Variants in MN1 observed in about 807,000 individuals in gnomAD.
The protein encoded by MN1 is transcriptional activator MN1.
MN1 carries 19 observed loss-of-function variants against 86.9 expected under a neutral mutation model. That is an observed-to-expected ratio of 0.22 (90% confidence interval 0.15 to 0.32). MN1 has a LOEUF of 0.32. Ranked by LOEUF, MN1 falls within the 10% of genes least tolerant of loss-of-function variation. The pLI, the probability that MN1 is intolerant of heterozygous loss-of-function variation, is 1.00. For synonymous variants in MN1, 928 were observed against 849.6 expected (o/e 1.09, Z -1.60); for missense variants, 1,841 against 1,862.0 (o/e 0.99, Z 0.21).
In MN1 at chr22:27,801,677, G is replaced by A. The variant is rs879449202; in HGVS notation, c.-1134C>T. 1.1e-4 allele frequency among the ~76,000 whole-genome samples: 16 copies of A among 152,166 alleles called. No individual in the cohort carries two copies. Among genetic ancestry groups the A allele is most frequent in the African/African-American group, 9.6e-5 (4 of 41,462 alleles). On this transcript the variant is annotated 5_prime_UTR_variant, in exon 1 of 2. Transcript: ENST00000302326. ...GCACCCCTCTCCCGACTAGCGGGGG[G>A]GCTCTGCGTGGGGCGTTCCGAGGGT... is the stretch of plus-strand genomic sequence containing the variant.
rs558159135 is a variant in MN1 at position 27,798,673 on chromosome 22, T to TGCG, written c.1868_1870dup (p.Pro623dup). On this transcript the variant is annotated inframe_insertion, in exon 1 of 2. Coordinates refer to ENST00000302326, the MANE Select transcript of MN1 (RefSeq NM_002430.3). ...GAACCACGCGCTCTCTTGCGCCAAG[T>TGCG]GCGGCGCCTGCTGCTCGAAGGTGCC... The TGCG allele has an allele frequency of 1.3e-3, 2,072 of 1,543,754 alleles. 27 individuals carry two copies. In the African/African-American group the frequency reaches 0.026, roughly 19 times the overall value.
chr22:27,759,098 G>T (rs889572027), intron 1 of MN1, among the ~76,000 whole-genome samples: 2 of 152,146 alleles, frequency 1.3e-5, no homozygotes, highest in Admixed American at 1.3e-4. Context: ...AAAGTGTTGG[G>T]ATTATAGGCA....
At chr22:27,788,871 G>A (rs891033127) in intron 1 of MN1, among the ~76,000 whole-genome samples, 4 of 152,088 alleles carry the variant, frequency 2.6e-5, no homozygotes, top group Admixed American at 6.5e-5. Flanking sequence ...CACGCAAAAC[G>A]AGTGGCATCA....
At chr22:27,757,478 G>A (rs939165563) in intron 1 of MN1, among the ~76,000 whole-genome samples, 2 of 152,238 alleles carry the variant, frequency 1.3e-5, no homozygotes, top group Non-Finnish European at 2.9e-5. Flanking sequence ...GGCAGAGCTT[G>A]AGAATGAGAA....
rs201186821 is a variant in MN1 at position 27,799,727 on chromosome 22, C to T, written c.817G>A (p.Ala273Thr). 1 of 1,575,800 alleles carries T rather than the reference C, an allele frequency of 6.3e-7. No homozygotes were observed. Among genetic ancestry groups the T allele is most frequent in the Non-Finnish European group, 8.6e-7 (1 of 1,161,334 alleles). The change falls in exon 1 of 2, where the codon GCC becomes ACC. Residue 273 changes from alanine to threonine, a missense_variant. Ala to Thr is a moderately conservative substitution (Grantham distance 58). Coordinates refer to ENST00000302326, the MANE Select transcript of MN1 (RefSeq NM_002430.3). ...CCCGCAGCTCTGGGCATGGCCGAGGCGCCCGGGAAAGCGCCCCCAGGAACC... is the reference window on the plus strand; with the variant it reads ...CCCGCAGCTCTGGGCATGGCCGAGGTGCCCGGGAAAGCGCCCCCAGGAACC... ...RQVPGGAFPGASAMPRAAGMV... is the reference protein window; with the variant it reads ...RQVPGGAFPGTSAMPRAAGMV...
intron 1 of MN1, among the ~76,000 whole-genome samples, chr22:27,777,714 C>CAG (rs1396872531): frequency 2.0e-5 from 3 of 151,272 alleles, no homozygotes; most frequent in Middle Eastern, 3.4e-3. Flanking sequence ...CACACACACA[C>CAG]ACACACAAAA....
At chr22:27,787,967 G>A (rs999965146) in intron 1 of MN1, among the ~76,000 whole-genome samples, 2 of 152,178 alleles carry the variant, frequency 1.3e-5, no homozygotes, top group Non-Finnish European at 2.9e-5. Flanking sequence ...CATGTGCAGC[G>A]ATGTGGGAGC....
chr22:27,800,582 A>T lies in MN1; in HGVS notation c.-39T>A. On this transcript the variant is annotated 5_prime_UTR_variant, in exon 1 of 2. Transcript: ENST00000302326. ...CAGAGGGGGATCAATAGGGCATGAC[A>T]GCCGGCTCTCCGCGGCGCGCCTCCG... 1 of 1,612,332 alleles carries T rather than the reference A, an allele frequency of 6.2e-7. No individual in the cohort carries two copies. The highest frequency in any genetic ancestry group is 8.5e-7 in the Non-Finnish European group (1 of 1,179,792).
chr22:27,766,601 A>C (rs1390290052), intron 1 of MN1, among the ~76,000 whole-genome samples: 1 of 152,164 alleles, frequency 6.6e-6, no homozygotes, highest in East Asian at 1.9e-4. Context: ...TCTGGTATAG[A>C]GAAGCAGGAT....
At chr22:27,784,614 A>G (rs1933097634) in intron 1 of MN1, among the ~76,000 whole-genome samples, 1 of 152,204 alleles carries the variant, frequency 6.6e-6, no homozygotes, top group Non-Finnish European at 1.5e-5. Context: ...TTTAGAAAGA[A>G]TGTGCTATTA....
Position 27,748,867 on chromosome 22 carries a change from T to C in MN1, c.*2048A>G, listed in dbSNP as rs1932727360. On this transcript the variant is annotated 3_prime_UTR_variant, in exon 2 of 2. Coordinates refer to ENST00000302326, the MANE Select transcript of MN1 (RefSeq NM_002430.3). ...GCCTTAAGCAATTAAGGAGAAATCA[T>C]TCCTGTTTCAAAAGTAAAATGATGA... The C allele has an allele frequency of 1.3e-5, 3 of 226,134 alleles. No individual in the cohort carries two copies. Among genetic ancestry groups the C allele is most frequent in the South Asian group, 1.8e-4 (1 of 5,464 alleles). The allele number at this position is 226,134 out of a possible 1,614,324, so 14.0% of individuals were successfully genotyped here.
chr22:27,756,236 A>T (rs1188163574), intron 1 of MN1, among the ~76,000 whole-genome samples: 2 of 152,188 alleles, frequency 1.3e-5, no homozygotes, highest in Non-Finnish European at 2.9e-5. Flanking sequence ...TTGCTTCTAG[A>T]GATGCCACCC....
chr22:27,772,451 A>T (rs761509887), intron 1 of MN1, among the ~76,000 whole-genome samples: 1 of 152,150 alleles, frequency 6.6e-6, no homozygotes, highest in Non-Finnish European at 1.5e-5. Context: ...TGAAACTTGG[A>T]CTTAACAGGC....
intron 1 of MN1, among the ~76,000 whole-genome samples, chr22:27,788,695 G>A (rs891071223): frequency 4.7e-5 from 7 of 148,418 alleles, no homozygotes; most frequent in African/African-American, 1.3e-4. Context: ...GTGTGTGCAC[G>A]CGTGTGTGTG....
intron 1 of MN1, among the ~76,000 whole-genome samples, chr22:27,787,163 C>T (rs559291853): frequency 1.3e-5 from 2 of 152,246 alleles, no homozygotes; most frequent in East Asian, 1.9e-4. Context: ...CGTGTGTGCA[C>T]GCAAGCAAAG....
chr22:27,753,290 CAG>C (rs1241037831), intron 1 of MN1, among the ~76,000 whole-genome samples: 3 of 152,230 alleles, frequency 2.0e-5, no homozygotes, highest in Non-Finnish European at 4.4e-5. Flanking sequence ...GGCCAGGAAA[CAG>C]TGTCTCTTTG....
At chr22:27,762,027 C>T (rs533233299) in intron 1 of MN1, among the ~76,000 whole-genome samples, 1 of 152,144 alleles carries the variant, frequency 6.6e-6, no homozygotes, top group East Asian at 1.9e-4. Context: ...ATGACAGCCG[C>T]GGACGGCAGG....
At chr22:27,760,056 T>C (rs1224677357) in intron 1 of MN1, among the ~76,000 whole-genome samples, 2 of 152,118 alleles carry the variant, frequency 1.3e-5, no homozygotes, top group African/African-American at 2.4e-5. Flanking sequence ...TTTTTTAAAT[T>C]AACCAGACAT....
rs1932755565 is a variant in MN1 at position 27,750,691 on chromosome 22, A to T, written c.*224T>A. On this transcript the variant is annotated 3_prime_UTR_variant, in exon 2 of 2. Coordinates refer to ENST00000302326, the MANE Select transcript of MN1 (RefSeq NM_002430.3). The stretch of plus-strand genomic sequence containing the variant: ...ACACTGGTAACATACTGTGGCAGAC[A>T]AGTTTCTTTTTTAAAAAAACTTTTG... 1 of 407,392 alleles carries T rather than the reference A, an allele frequency of 2.5e-6. No individual in the cohort carries two copies. The highest frequency in any genetic ancestry group is 2.0e-5 in the African/African-American group (1 of 49,526). The allele number at this position is 407,392 out of a possible 1,614,324, so 25.2% of individuals were successfully genotyped here.
Sources: gnomAD v4.1 joint callset for allele counts (sites outside exome capture counted in the v4.1 genomes callset) on GRCh38, gnomAD v4.1.1 for gene constraint, MANE v1.5 for transcripts, NCBI Gene and HGNC (gene_info 2026-07-23, HGNC 2026-07-21) for gene names.